The following AFAP1 variants were observed in gnomAD, a reference collection of about 807,000 sequenced individuals.
The protein encoded by AFAP1 is actin filament associated protein 1.
AFAP1 carries 75 observed loss-of-function variants against 93.9 expected under a neutral mutation model. That is an observed-to-expected ratio of 0.80 (90% CI 0.66 to 0.97). The LOEUF is 0.97. AFAP1 is among the 50% of genes least tolerant of loss of function. AFAP1 has a pLI of 0.00. For synonymous variants in AFAP1, 517 were observed against 430.7 expected (o/e 1.20, Z -2.48); for missense variants, 1,201 against 1,050.8 (o/e 1.14, Z -1.98).
intron 1 of AFAP1, among the ~76,000 whole-genome samples, chr4:7,891,757 A>AG (rs1718486720): frequency 6.7e-6 from 1 of 150,274 alleles, no homozygotes; most frequent in African/African-American, 2.4e-5. Context: ...AAAAAAAAAA[A>AG]AAAAAAAAAG....
chr4:7,776,068 A>C (rs1370488068), intron 14 of AFAP1: 5 of 152,094 alleles, frequency 3.3e-5, no homozygotes, highest in Non-Finnish European at 5.9e-5. Context: ...TTCTAACAAA[A>C]CTCGGATGGA....
At chr4:7,886,972 G>A (rs1298406001) in intron 1 of AFAP1, among the ~76,000 whole-genome samples, 1 of 152,162 alleles carries the variant, frequency 6.6e-6, no homozygotes, top group Non-Finnish European at 1.5e-5. Flanking sequence ...TGTTACCCCT[G>A]ACATCCAAGG....
rs558958455 is a variant in AFAP1 at position 7,802,271 on chromosome 4, A to G, written c.1055-1618T>C. 3.3e-5 allele frequency among the ~76,000 whole-genome samples: 5 copies of G among 151,756 alleles called. No individual in the cohort carries two copies. The South Asian group carries it at 8.3e-4, about 25-fold the overall frequency. ...TGATGTTGTTAGGGAGTGACAGAGA[A>G]AGGAGGAGCCAGGCTGAGGCTCCAA... is the stretch of plus-strand genomic sequence containing the variant. On this transcript the variant is annotated intron_variant, in intron 9 of 17. Transcript: ENST00000420658.
chr4:7,795,483 T>C (rs950171658), intron 10 of AFAP1, among the ~76,000 whole-genome samples: 19 of 136,124 alleles, frequency 1.4e-4, no homozygotes. Context: ...TGGAGTGCAG[T>C]GGTGTGATCT....
chr4:7,857,452 C>A (rs28729656), intron 3 of AFAP1, among the ~76,000 whole-genome samples: 57,956 of 152,082 alleles, frequency 0.38, 12,171 homozygotes, highest in East Asian at 0.64. Context: ...TCCCGCCCCC[C>A]GTCCTTGTTC....
intron 4 of AFAP1, among the ~76,000 whole-genome samples, chr4:7,850,767 T>C (rs1714342065): frequency 6.6e-6 from 1 of 152,250 alleles, no homozygotes; most frequent in Admixed American, 6.5e-5. Context: ...CGGTGTTTTG[T>C]ACAACTCCAG....
At chr4:7,847,336 C>T (rs997650653) in intron 4 of AFAP1, among the ~76,000 whole-genome samples, 1 of 151,140 alleles carries the variant, frequency 6.6e-6, no homozygotes, top group African/African-American at 2.4e-5. Flanking sequence ...ATCAAGAGAA[C>T]TCTCCAGAAA....
intron 6 of AFAP1, among the ~76,000 whole-genome samples, chr4:7,827,568 C>CAAAAAAA (rs1560183870): frequency 1.5e-4 from 2 of 13,396 alleles, no homozygotes; most frequent in African/African-American, 7.3e-4. Context: ...AACTCTGTCT[C>CAAAAAAA]CAAAAAAAAA....
chr4:7,936,101 A>C (rs1203417532), intron 1 of AFAP1, among the ~76,000 whole-genome samples: 3 of 152,226 alleles, frequency 2.0e-5, no homozygotes, highest in Non-Finnish European at 2.9e-5. Flanking sequence ...AATACAGGCA[A>C]AATCCTACTG....
intron 9 of AFAP1, 62 bp downstream of exon 9, chr4:7,809,552 T>A: frequency 6.4e-7 from 1 of 1,558,432 alleles, no homozygotes. Context: ...CCGACACCAC[T>A]GCAGGAGAAA....
chr4:7,797,487 ATAAT>A (rs2149021518), intron 10 of AFAP1, among the ~76,000 whole-genome samples: 1 of 152,328 alleles, frequency 6.6e-6, no homozygotes, highest in East Asian at 1.9e-4. Context: ...GGCTCCCGCT[ATAAT>A]TCTCTGCTGG....
intron 9 of AFAP1, among the ~76,000 whole-genome samples, chr4:7,803,258 T>C (rs1719214975): frequency 6.6e-6 from 1 of 152,172 alleles, no homozygotes; most frequent in South Asian, 2.1e-4. Flanking sequence ...AAATGGCTTC[T>C]GAAAAGGAGC....
At chr4:7,855,611 T>G (rs906021611) in intron 3 of AFAP1, 37 bp from the exon 4 acceptor site, 3 of 1,489,762 alleles carry the variant, frequency 2.0e-6, no homozygotes, top group African/African-American at 1.4e-5. Flanking sequence ...GAAATTAGCA[T>G]GACCATTAGA....
chr4:7,855,658 GTCTTT>G (rs1714967590), intron 3 of AFAP1, 84 bp from the exon 4 acceptor site: 1 of 1,097,440 alleles, frequency 9.1e-7, no homozygotes, highest in Admixed American at 1.8e-5. Context: ...GGTGTGGCCA[GTCTTT>G]TCCTCTTTCC....
At chr4:7,877,366 C>T (rs991300864) in intron 1 of AFAP1, among the ~76,000 whole-genome samples, 1 of 152,234 alleles carries the variant, frequency 6.6e-6, no homozygotes, top group Non-Finnish European at 1.5e-5. Context: ...ACGCACTGCG[C>T]CCCATCTACA....
chr4:7,787,457 G>A (rs946944103), intron 11 of AFAP1, among the ~76,000 whole-genome samples: 1 of 152,226 alleles, frequency 6.6e-6, no homozygotes, highest in East Asian at 1.9e-4. Context: ...AGACGCACAG[G>A]TGATATCCTG....
chr4:7,802,924 T>C (rs945553695), intron 9 of AFAP1, among the ~76,000 whole-genome samples: 15 of 152,188 alleles, frequency 9.9e-5, no homozygotes, highest in African/African-American at 3.6e-4. Context: ...GCTGGAATTA[T>C]AGGCCAATAC....
At chr4:7,911,841 T>TAC (rs1262460386) in intron 1 of AFAP1, among the ~76,000 whole-genome samples, 2 of 152,188 alleles carry the variant, frequency 1.3e-5, no homozygotes, top group African/African-American at 4.8e-5. Context: ...AGAGAAAGCT[T>TAC]ACACTTATTT....
chr4:7,826,729 A>G (rs1308467608), intron 6 of AFAP1, among the ~76,000 whole-genome samples: 2 of 152,206 alleles, frequency 1.3e-5, no homozygotes, highest in African/African-American at 4.8e-5. Context: ...GGCAAGGTGA[A>G]GCTGCAACAA....
Sources: gnomAD v4.1 joint callset for allele counts (sites outside exome capture counted in the v4.1 genomes callset) on GRCh38, gnomAD v4.1.1 for gene constraint, MANE v1.5 for transcripts, NCBI Gene and HGNC (gene_info 2026-07-23, HGNC 2026-07-21) for gene names.